CPEB4: variants seen among roughly 807,000 people sequenced by gnomAD.
The protein encoded by CPEB4 is cytoplasmic polyadenylation element binding protein 4.
A neutral mutation model predicts 72.5 loss-of-function variants in CPEB4; 12 were observed. The observed-to-expected ratio is 0.17, with a 90% CI of 0.11 to 0.27. The LOEUF (loss-of-function observed/expected upper bound fraction) is 0.27, where lower values mean the gene tolerates loss of function less well. CPEB4 is among the 10% of genes least tolerant of loss of function. CPEB4 has a pLI of 1.00. For missense variants in CPEB4, 614 were observed against 908.5 expected (o/e 0.68, Z 4.17); for synonymous variants, 302 against 326.3 (o/e 0.93, Z 0.80).
intron 1 of CPEB4, among the ~76,000 whole-genome samples, chr5:173,891,940 G>C (rs1298709902): frequency 1.3e-5 from 2 of 151,638 alleles, no homozygotes; most frequent in African/African-American, 4.8e-5. Flanking sequence ...TTAGCCAAGG[G>C]TACACAGCTG....
chr5:173,904,452 A>G (rs1312553436), intron 1 of CPEB4, among the ~76,000 whole-genome samples: 7 of 152,292 alleles, frequency 4.6e-5, no homozygotes, highest in African/African-American at 1.7e-4. Flanking sequence ...AAGGAAGATA[A>G]GATTTCTCTT....
In CPEB4 at chr5:173,900,807, C is replaced by T. The variant is rs769219599; in HGVS notation, c.1126-9716C>T. On this transcript the variant is annotated intron_variant, in intron 1 of 9. Coordinates refer to ENST00000265085, the MANE Select transcript of CPEB4 (RefSeq NM_030627.4). The surrounding 1 kb of genome is among the most constrained non-coding windows in gnomAD (Gnocchi z 4.4). The stretch of plus-strand genomic sequence containing the variant: ...AATGTTTATTGAATGAGTTCACTAA[C>T]CGCCATGCTTTGTGCTCCTGCTGCC... Among the ~76,000 whole-genome samples, 38 of 152,148 alleles carry T rather than the reference C, an allele frequency of 2.5e-4. No homozygotes were observed. Among genetic ancestry groups the T allele is most frequent in the Non-Finnish European group, 4.6e-4 (31 of 68,038 alleles).
intron 1 of CPEB4, among the ~76,000 whole-genome samples, chr5:173,891,142 G>A (rs1755797314): frequency 6.6e-6 from 1 of 150,540 alleles, no homozygotes; most frequent in African/African-American, 2.4e-5. Flanking sequence ...TTTCTTGCCT[G>A]ACATGAGAAT....
Position 173,888,430 on chromosome 5 carries a change from G to A in CPEB4, c.-1304G>A. On this transcript the variant is annotated 5_prime_UTR_variant, in exon 1 of 10. Coordinates refer to ENST00000265085, the MANE Select transcript of CPEB4 (RefSeq NM_030627.4). This position sits in a 1 kb window ranked among gnomAD's most constrained non-coding sequence, Gnocchi z 4.3. ...GGAGGCGGTGGCGGCGGCGGCGGCGGCAGCAGCGGCGACAGCAGAGGAGGA... is the reference window on the plus strand; with the variant it reads ...GGAGGCGGTGGCGGCGGCGGCGGCGACAGCAGCGGCGACAGCAGAGGAGGA... 4 of 459,598 alleles carry A rather than the reference G, an allele frequency of 8.7e-6. No homozygotes were observed. The highest frequency in any genetic ancestry group is 1.5e-5 in the Non-Finnish European group (4 of 266,140). The allele number at this position is 459,598 out of a possible 1,614,324, so 28.5% of individuals were successfully genotyped here.
intron 3 of CPEB4, among the ~76,000 whole-genome samples, chr5:173,935,520 A>G (rs1039783988): frequency 2.0e-5 from 3 of 152,184 alleles, no homozygotes; most frequent in East Asian, 1.9e-4. Flanking sequence ...CTTTGTTTCA[A>G]TGTAACTTTC....
intron 2 of CPEB4, among the ~76,000 whole-genome samples, chr5:173,913,630 A>G (rs1315274749): frequency 2.0e-5 from 3 of 152,184 alleles, no homozygotes; most frequent in African/African-American, 7.2e-5. Context: ...TTTATTCTAT[A>G]TTCTCTTTTT....
In CPEB4 at chr5:173,889,870, A is replaced by G; in HGVS notation, c.137A>G (p.Asn46Ser). The change falls in exon 1 of 10, where the codon AAT becomes AGT. Residue 46 changes from asparagine (N) to serine (S), a missense_variant. Asn to Ser is a conservative substitution (Grantham distance 46). Transcript: ENST00000265085. Reference protein sequence around the residue: ...NATPSPAAFINNNTAANGSSA... With the variant: ...NATPSPAAFISNNTAANGSSA... ...ACCCCCAGCCCTGCTGCTTTTATAA[A>G]TAATAACACAGCTGCCAATGGCAGC... 2.5e-6 allele frequency: 4 copies of G among 1,613,904 alleles called. No homozygotes were observed. Among genetic ancestry groups the G allele is most frequent in the South Asian group, 2.2e-5 (2 of 91,082 alleles).
intron 1 of CPEB4, among the ~76,000 whole-genome samples, chr5:173,895,988 G>GTT (rs1400086688): frequency 6.6e-6 from 1 of 152,216 alleles, no homozygotes; most frequent in Non-Finnish European, 1.5e-5. Context: ...TAGCTCATGA[G>GTT]TTTAAGTTTT....
intron 5 of CPEB4, among the ~76,000 whole-genome samples, chr5:173,947,514 G>A (rs1463913202): frequency 2.0e-5 from 3 of 152,072 alleles, no homozygotes; most frequent in African/African-American, 7.2e-5. Context: ...GGAAAGATTG[G>A]TTACATTGAG....
intron 2 of CPEB4, among the ~76,000 whole-genome samples, chr5:173,921,797 T>C (rs1034161822): frequency 6.6e-6 from 1 of 152,230 alleles, no homozygotes; most frequent in Non-Finnish European, 1.5e-5. Context: ...GATTGAAGGA[T>C]AGTTTTGATG....
At position 173,956,187 on chromosome 5, in the gene CPEB4, T is replaced by C; in HGVS notation, c.*50T>C. On this transcript the variant is annotated 3_prime_UTR_variant, in exon 10 of 10. Transcript: ENST00000265085. ...AGGCCTCAGAATAAGTGCACTCTTC[T>C]GTTCATTCTGACCCCTTCCTCAACC... is the stretch of plus-strand genomic sequence containing the variant. 2 of 1,459,464 alleles carry C rather than the reference T, an allele frequency of 1.4e-6. No homozygotes were observed. The highest frequency in any genetic ancestry group is 1.9e-6 in the Non-Finnish European group (2 of 1,041,838). 90.4% of individuals were successfully genotyped at this position (1,459,464 alleles called of 1,614,324 possible).
chr5:173,942,963 T>C, intron 3 of CPEB4, 63 bp from the exon 4 acceptor site: 1 of 1,528,366 alleles, frequency 6.5e-7, no homozygotes, highest in Non-Finnish European at 9.0e-7. Context: ...GTTGATTCTT[T>C]TGACAATGTT....
Position 173,955,450 on chromosome 5 carries a change from G to GC in CPEB4, c.1963-459dup, listed in dbSNP as rs2113308406. 6.6e-6 allele frequency among the ~76,000 whole-genome samples: 1 copy of GC among 152,058 alleles called. No individual in the cohort carries two copies. Among genetic ancestry groups the GC allele is most frequent in the African/African-American group, 2.4e-5 (1 of 41,448 alleles). On this transcript the variant is annotated intron_variant, in intron 9 of 9. Transcript: ENST00000265085. The surrounding 1 kb of genome is among the most constrained non-coding windows in gnomAD (Gnocchi z 4.7). ...TTACGACAGCTCAGAATCTTGTGAC[G>GC]CAGTAGTCAGGCATCTTCACACCAA...
Position 173,921,599 on chromosome 5 carries a change from G to C in CPEB4, c.1208-10851G>C, listed in dbSNP as rs546153949. Among the ~76,000 whole-genome samples, 10 of 152,244 alleles carry C rather than the reference G, an allele frequency of 6.6e-5. No homozygotes were observed. In the East Asian group the frequency reaches 1.9e-3, roughly 29 times the overall value. The stretch of plus-strand genomic sequence containing the variant: ...GAGGCTACATCCTGCATGATGCCAG[G>C]GGGTAGAGGGAGCCATCTGACGAGA... On this transcript the variant is annotated intron_variant, in intron 2 of 9. Transcript: ENST00000265085.
At chr5:173,909,975 G>A (rs796526380) in intron 1 of CPEB4, among the ~76,000 whole-genome samples, 67 of 151,196 alleles carry the variant, frequency 4.4e-4, no homozygotes, top group African/African-American at 1.5e-3. Context: ...ACTCCAGCCT[G>A]GAACAGTGTG....
intron 2 of CPEB4, among the ~76,000 whole-genome samples, chr5:173,912,873 T>C (rs1264279519): frequency 6.7e-6 from 1 of 149,010 alleles, no homozygotes; most frequent in African/African-American, 2.5e-5. Flanking sequence ...GCCCAGAAGG[T>C]TGAGGCTGCA....
intron 1 of CPEB4, among the ~76,000 whole-genome samples, chr5:173,898,432 G>A (rs987583286): frequency 6.6e-6 from 1 of 151,456 alleles, no homozygotes; most frequent in Non-Finnish European, 1.5e-5. Context: ...GATATGGCTC[G>A]GCCATTCATT....
chr5:173,911,081 T>TA (rs113653688), intron 2 of CPEB4, among the ~76,000 whole-genome samples: 17,281 of 150,104 alleles, frequency 0.12, 1,145 homozygotes, highest in Middle Eastern at 0.22. Context: ...TGTATTATGT[T>TA]AAAAAAAAAT....
rs1477723565 is a variant in CPEB4 at position 173,889,070 on chromosome 5, A to G, written c.-664A>G. On this transcript the variant is annotated 5_prime_UTR_variant, in exon 1 of 10. Coordinates refer to ENST00000265085, the MANE Select transcript of CPEB4 (RefSeq NM_030627.4). ...GAAAACAGGACCAGGAACAGCAGAA[A>G]CCTCCCTGCAATCATCTTTCCATTA... 1 of 151,788 alleles carries G rather than the reference A, an allele frequency of 6.6e-6. No individual in the cohort carries two copies. Among genetic ancestry groups the G allele is most frequent in the East Asian group, 1.9e-4 (1 of 5,182 alleles). 9.4% of individuals were successfully genotyped at this position (151,788 alleles called of 1,614,324 possible). A position where few individuals can be genotyped will look rare whatever the true frequency, so the allele number is the denominator to read the frequency against.
Sources: gnomAD v4.1 joint callset for allele counts (sites outside exome capture counted in the v4.1 genomes callset) on GRCh38, gnomAD v4.1.1 for gene constraint, Gnocchi (gnomAD v3.1) non-coding constraint, MANE v1.5 for transcripts, NCBI Gene and HGNC (gene_info 2026-07-23, HGNC 2026-07-21) for gene names.